The following ZCCHC4 variants were observed in gnomAD, a reference collection of about 807,000 sequenced individuals.
ZCCHC4 encodes zinc finger CCHC-type containing 4, also known as rRNA N(6)-adenosine-methyltransferase ZCCHC4.
Under a neutral mutation model 67.7 loss-of-function variants are expected in ZCCHC4, and 54 were observed. The ratio of observed to expected loss-of-function variants is 0.80; its 90% CI spans 0.64 to 1.00. The LOEUF (loss-of-function observed/expected upper bound fraction) is 1.00. Ranked by LOEUF, ZCCHC4 falls within the 50% of genes least tolerant of loss-of-function variation. ZCCHC4 has a pLI of 0.00. For missense variants in ZCCHC4, 609 were observed against 617.0 expected (o/e 0.99, Z 0.14); for synonymous variants, 198 against 213.5 (o/e 0.93, Z 0.63).
At chr4:25,345,648 T>G in intron 6 of ZCCHC4, 28 bp downstream of exon 6, 1 of 1,437,484 alleles carries the variant, frequency 7.0e-7, no homozygotes, top group Non-Finnish European at 9.7e-7. Context: ...TATCTCATTG[T>G]TCTCTTATTG....
chr4:25,323,195 T>C (rs1718676728), intron 3 of ZCCHC4, among the ~76,000 whole-genome samples: 1 of 152,258 alleles, frequency 6.6e-6, no homozygotes, highest in Non-Finnish European at 1.5e-5. Context: ...TTTAGAATCT[T>C]GTCATTGTTT....
chr4:25,369,089 A>G lies in ZCCHC4; in HGVS notation c.1467A>G (p.Gly489=). ...SNKMKMETTK[G]QSMNHTSATR... ...AGATGAAAATGGAGACCACGAAAGG[A>G]CAATCCATGAATCATACATCTGCTA... is the stretch of plus-strand genomic sequence containing the variant. Residue 489 remains glycine (G), a synonymous_variant, in exon 13 of 13, where the codon GGA becomes GGG. Coordinates refer to ENST00000302874, the MANE Select transcript of ZCCHC4 (RefSeq NM_024936.3). The G allele has an allele frequency of 6.2e-7, 1 of 1,614,016 alleles. No homozygotes were observed. Among genetic ancestry groups the G allele is most frequent in the Non-Finnish European group, 8.5e-7 (1 of 1,179,994 alleles).
chr4:25,368,533 T>G (rs1721031088), intron 12 of ZCCHC4, among the ~76,000 whole-genome samples: 1 of 152,214 alleles, frequency 6.6e-6, no homozygotes, highest in African/African-American at 2.4e-5. Flanking sequence ...TTAGATCCGC[T>G]GAGGAAAGGA....
intron 8 of ZCCHC4, among the ~76,000 whole-genome samples, chr4:25,360,449 C>T (rs1394273148): frequency 6.6e-6 from 1 of 152,206 alleles, no homozygotes; most frequent in Non-Finnish European, 1.5e-5. Flanking sequence ...GGGAGCTGAG[C>T]CCCGTTGTTC....
intron 5 of ZCCHC4, among the ~76,000 whole-genome samples, chr4:25,342,223 G>A (rs550433853): frequency 6.6e-6 from 1 of 152,250 alleles, no homozygotes; most frequent in East Asian, 1.9e-4. Flanking sequence ...GCATGACGGA[G>A]TGTGTGGTTG....
rs1446318964 is a variant in ZCCHC4, at chr4:25,312,858, G to A, written c.49G>A (p.Ala17Thr). Residue 17 changes from alanine to threonine, a missense_variant, in exon 1 of 13, where the codon GCA becomes ACA. Physicochemically the swap from Ala to Thr is moderately conservative, Grantham distance 58. Coordinates refer to ENST00000302874, the MANE Select transcript of ZCCHC4 (RefSeq NM_024936.3). Reference sequence around the variant, plus strand: ...TGAAGCCGTGGAGGCAGAGGGCAGCGCAGGGTGCCGGGGAAGCTCGGGAAT... The same window carrying A: ...TGAAGCCGTGGAGGCAGAGGGCAGCACAGGGTGCCGGGGAAGCTCGGGAAT... ...GFEAVEAEGS[A>T]GCRGSSGMEV... is the part of the protein sequence containing the mutation. The A allele has an allele frequency of 6.2e-7, 1 of 1,613,204 alleles. No individual in the cohort carries two copies. Among genetic ancestry groups the A allele is most frequent in the Non-Finnish European group, 8.5e-7 (1 of 1,180,030 alleles).
chr4:25,334,050 G>C, intron 5 of ZCCHC4, 62 bp downstream of exon 5: 1 of 1,111,412 alleles, frequency 9.0e-7, no homozygotes, highest in Non-Finnish European at 1.3e-6. Flanking sequence ...ATGTTTTTCT[G>C]TTTTTAATTG....
intron 2 of ZCCHC4, 54 bp from the exon 3 acceptor site, chr4:25,315,264 C>A (rs316800): frequency 0.22 from 332,040 of 1,483,626 alleles, 38,819 homozygotes; most frequent in East Asian, 0.43. Flanking sequence ...GCCAGTTCTT[C>A]TAGGATGATA....
In ZCCHC4 at chr4:25,352,667, C is replaced by T. The variant is rs903510583; in HGVS notation, c.1011+978C>T. ...ATGGCCTCAAGTGATCTGCCTGCCT[C>T]AGCCTCTCAAAGTGCTGGATTACAG... On this transcript the variant is annotated intron_variant, in intron 8 of 12. Transcript: ENST00000302874. 8 of 152,606 alleles carry T rather than the reference C, an allele frequency of 5.2e-5. No individual in the cohort carries two copies. In the East Asian group the frequency reaches 1.3e-3, roughly 26 times the overall value. The allele number at this position is 152,606 out of a possible 1,614,324, so 9.5% of individuals were successfully genotyped here. A position where few individuals can be genotyped will look rare whatever the true frequency, so the allele number is the denominator to read the frequency against.
At chr4:25,324,760 T>C (rs1378858501) in intron 3 of ZCCHC4, among the ~76,000 whole-genome samples, 1 of 152,220 alleles carries the variant, frequency 6.6e-6, no homozygotes, top group African/African-American at 2.4e-5. Context: ...GAAGTGACAT[T>C]GTATTGTGAT....
chr4:25,341,965 G>A (rs1445318792), intron 5 of ZCCHC4, among the ~76,000 whole-genome samples: 1 of 152,078 alleles, frequency 6.6e-6, no homozygotes, highest in African/African-American at 2.4e-5. Flanking sequence ...TAGGGGATGT[G>A]GATAAAGTTA....
At chr4:25,367,616 G>A (rs1478535181) in intron 12 of ZCCHC4, among the ~76,000 whole-genome samples, 2 of 152,088 alleles carry the variant, frequency 1.3e-5, no homozygotes, top group Non-Finnish European at 1.5e-5. Context: ...GATTTATATA[G>A]TATGCATGAA....
chr4:25,322,496 A>G (rs898859212), intron 3 of ZCCHC4, among the ~76,000 whole-genome samples: 7 of 151,976 alleles, frequency 4.6e-5, no homozygotes, highest in Non-Finnish European at 1.0e-4. Flanking sequence ...CTGTTTAAAA[A>G]CCACTGAATT....
At chr4:25,327,283 C>A (rs973495666) in intron 3 of ZCCHC4, among the ~76,000 whole-genome samples, 14 of 152,160 alleles carry the variant, frequency 9.2e-5, no homozygotes, top group African/African-American at 3.4e-4. Context: ...GAAATGCATT[C>A]AGTCTTTCAG....
chr4:25,320,239 G>A (rs10939052), intron 3 of ZCCHC4, among the ~76,000 whole-genome samples: 79,361 of 151,804 alleles, frequency 0.52, 21,967 homozygotes, highest in Non-Finnish European at 0.61. Flanking sequence ...TATTATGTTT[G>A]TTATATAGTA....
intron 3 of ZCCHC4, among the ~76,000 whole-genome samples, chr4:25,324,014 G>GTTTTTTTGTTTTTT (rs1718724431): frequency 1.2e-5 from 1 of 82,448 alleles, no homozygotes; most frequent in Non-Finnish European, 2.1e-5. Context: ...TGTTTTTTGT[G>GTTTTTTTGTTTTTT]TTTTTTTTTT....
intron 8 of ZCCHC4, chr4:25,352,522 C>T (rs1359461072): frequency 2.2e-6 from 1 of 452,466 alleles, no homozygotes; most frequent in Non-Finnish European, 2.9e-6. Context: ...GATTCTTCTG[C>T]CTTAGCCTCC....
At chr4:25,329,618 T>C (rs1042974303) in intron 3 of ZCCHC4, among the ~76,000 whole-genome samples, 3 of 147,246 alleles carry the variant, frequency 2.0e-5, no homozygotes, top group Non-Finnish European at 4.5e-5. Context: ...CACTGCAACC[T>C]CTGCCTCATG....
At chr4:25,345,652 C>T in intron 6 of ZCCHC4, 32 bp downstream of exon 6, 1 of 1,406,320 alleles carries the variant, frequency 7.1e-7, no homozygotes, top group Non-Finnish European at 9.9e-7. Flanking sequence ...TCATTGTTCT[C>T]TTATTGTGGA....
Sources: gnomAD v4.1 joint callset for allele counts (sites outside exome capture counted in the v4.1 genomes callset) on GRCh38, gnomAD v4.1.1 for gene constraint, MANE v1.5 for transcripts, NCBI Gene and HGNC (gene_info 2026-07-23, HGNC 2026-07-21) for gene names.